PTPRD: variants seen among roughly 807,000 people sequenced by gnomAD.
PTPRD encodes the protein protein tyrosine phosphatase receptor type D, also known as receptor-type tyrosine-protein phosphatase delta.
Under a neutral mutation model 214.5 loss-of-function variants are expected in PTPRD, and 34 were observed. That is an observed-to-expected ratio of 0.16 (90% CI 0.12 to 0.21). The LOEUF is 0.21. Ranked by LOEUF, PTPRD falls within the 10% of genes least tolerant of loss-of-function variation. PTPRD has a pLI of 1.00. For synonymous variants in PTPRD, 1,128 were observed against 845.7 expected (o/e 1.33, Z -5.79); for missense variants, 2,545 against 2,398.7 (o/e 1.06, Z -1.27).
At chr9:8,789,542 T>C (rs1170002346) in intron 11 of PTPRD, among the ~76,000 whole-genome samples, 4 of 152,192 alleles carry the variant, frequency 2.6e-5, no homozygotes, top group Non-Finnish European at 5.9e-5. Context: ...CCTGTCTTCT[T>C]TGGTGTTTGT....
intron 5 of PTPRD, among the ~76,000 whole-genome samples, chr9:9,868,748 T>C (rs1600319506): frequency 1.3e-5 from 2 of 151,758 alleles, no homozygotes; most frequent in East Asian, 1.9e-4. Context: ...AAAAATGAAA[T>C]CTTAAAAACT....
chr9:8,761,584 G>C (rs902725071), intron 11 of PTPRD, among the ~76,000 whole-genome samples: 5 of 152,092 alleles, frequency 3.3e-5, no homozygotes, highest in African/African-American at 1.2e-4. Context: ...TTAGTAGAAA[G>C]AACTAAAATA....
At chr9:9,847,534 T>C (rs1201644022) in intron 5 of PTPRD, among the ~76,000 whole-genome samples, 1 of 152,120 alleles carries the variant, frequency 6.6e-6, no homozygotes, top group Non-Finnish European at 1.5e-5. Context: ...ATATGCACAG[T>C]CACCCCACTT....
At chr9:8,823,158 TTTC>T (rs1209419538) in intron 11 of PTPRD, among the ~76,000 whole-genome samples, 1 of 152,116 alleles carries the variant, frequency 6.6e-6, no homozygotes, top group Non-Finnish European at 1.5e-5. Context: ...ATATCCTAGT[TTTC>T]TTCTTACCAC....
intron 9 of PTPRD, among the ~76,000 whole-genome samples, chr9:9,363,230 G>C (rs2056826686): frequency 6.7e-6 from 1 of 149,770 alleles, no homozygotes; most frequent in African/African-American, 2.4e-5. Flanking sequence ...GGCCACAAGA[G>C]CAATTACTGA....
At chr9:10,289,561 C>T (rs947672048) in intron 3 of PTPRD, among the ~76,000 whole-genome samples, 1 of 152,124 alleles carries the variant, frequency 6.6e-6, no homozygotes, top group Non-Finnish European at 1.5e-5. Context: ...GCTTCCCCTA[C>T]CGCCCCGCCA....
chr9:9,302,601 CTTTTT>C (rs3047853), intron 9 of PTPRD, among the ~76,000 whole-genome samples: 100 of 111,888 alleles, frequency 8.9e-4, no homozygotes, highest in Non-Finnish European at 1.2e-3. Flanking sequence ...TTTTTTTTTT[CTTTTT>C]TTTTTTTTTT....
In PTPRD at chr9:10,055,497, T is replaced by A. The variant is rs115518870; in HGVS notation, c.-544-21707A>T. Among the ~76,000 whole-genome samples the A allele has an allele frequency of 2.3e-3, 354 of 152,186 alleles. 1 individual carries two copies. The highest frequency in any genetic ancestry group is 7.9e-3 in the African/African-American group (327 of 41,536). ...CTGAGACTTGGAAACTCAAAATAGC[T>A]TTCCTGAGGCCACAAATCTAGCAAA... On this transcript the variant is annotated intron_variant, in intron 3 of 45. Coordinates refer to ENST00000381196, the MANE Select transcript of PTPRD (RefSeq NM_002839.4).
intron 7 of PTPRD, among the ~76,000 whole-genome samples, chr9:9,615,635 G>C (rs975367613): frequency 6.6e-6 from 1 of 152,164 alleles, no homozygotes; most frequent in Non-Finnish European, 1.5e-5. Flanking sequence ...GATCCAGACT[G>C]CTAGATTGGC....
At chr9:9,449,418 A>AT (rs2091479555) in intron 8 of PTPRD, among the ~76,000 whole-genome samples, 1 of 3,550 alleles carries the variant, frequency 2.8e-4, no homozygotes, top group African/African-American at 1.4e-3. Context: ...CTATATATAT[A>AT]TTTTTAAGCT....
chr9:10,129,311 T>C (rs10958900), intron 3 of PTPRD, among the ~76,000 whole-genome samples: 23,869 of 151,960 alleles, frequency 0.16, 1,994 homozygotes, highest in South Asian at 0.27. Context: ...ACTTTGAGAA[T>C]CTTTTCTTTA....
At chr9:10,242,489 A>C (rs900167576) in intron 3 of PTPRD, among the ~76,000 whole-genome samples, 3 of 151,986 alleles carry the variant, frequency 2.0e-5, no homozygotes, top group African/African-American at 7.2e-5. Context: ...ACAGGTACCA[A>C]CGTTCAGTGT....
rs78270559 is a variant in PTPRD at position 9,079,336 on chromosome 9, T to C, written c.-142-60601A>G. On this transcript the variant is annotated intron_variant, in intron 10 of 45. Transcript: ENST00000381196. Reference sequence around the variant, plus strand: ...ACTTTTTGTTTCTGGCTTATTTCACTTAATATCCTTCAGTTCCATCTATGT... The same window carrying C: ...ACTTTTTGTTTCTGGCTTATTTCACCTAATATCCTTCAGTTCCATCTATGT... 7.7e-3 allele frequency among the ~76,000 whole-genome samples: 1,174 copies of C among 152,258 alleles called. 12 individuals carry two copies. Among genetic ancestry groups the C allele is most frequent in the African/African-American group, 0.026 (1,100 of 41,556 alleles).
intron 9 of PTPRD, among the ~76,000 whole-genome samples, chr9:9,275,199 T>TGTTATATATATA (rs1491465404): frequency 9.6e-5 from 1 of 10,392 alleles, no homozygotes; most frequent in African/African-American, 2.4e-4. Context: ...TATATATATA[T>TGTTATATATATA]TATATATATA....
chr9:8,551,455 TTTTC>T (rs1329351987), intron 14 of PTPRD, among the ~76,000 whole-genome samples: 1 of 152,236 alleles, frequency 6.6e-6, no homozygotes, highest in African/African-American at 2.4e-5. Flanking sequence ...GGCAGATCTT[TTTTC>T]TTTCTCTTTT....
At chr9:10,479,664 A>T (rs900743539) in intron 2 of PTPRD, among the ~76,000 whole-genome samples, 1 of 144,006 alleles carries the variant, frequency 6.9e-6, no homozygotes, top group African/African-American at 2.5e-5. Context: ...TAAATAAACA[A>T]AAATACAAAA....
chr9:9,564,885 T>TG (rs2083985233), intron 8 of PTPRD, among the ~76,000 whole-genome samples: 2 of 41,002 alleles, frequency 4.9e-5, no homozygotes, highest in Non-Finnish European at 5.5e-5. Context: ...GAATCTTCTG[T>TG]TTTTTTTTTT....
intron 12 of PTPRD, among the ~76,000 whole-genome samples, chr9:8,699,668 T>C (rs2098026626): frequency 6.6e-6 from 1 of 151,886 alleles, no homozygotes; most frequent in Admixed American, 6.6e-5. Flanking sequence ...CTTAATGTAC[T>C]AAATAAACAA....
intron 14 of PTPRD, among the ~76,000 whole-genome samples, chr9:8,582,089 G>C (rs1372087313): frequency 1.3e-5 from 2 of 152,032 alleles, no homozygotes; most frequent in Non-Finnish European, 2.9e-5. Context: ...ACAAAGATTT[G>C]AAAATGGTAA....
Sources: allele counts gnomAD v4.1 joint callset (sites outside exome capture counted in the v4.1 genomes callset), GRCh38; gene constraint gnomAD v4.1.1; transcripts MANE v1.5; gene names NCBI Gene and HGNC (gene_info 2026-07-23, HGNC 2026-07-21).